ARHGAP10: variants seen among roughly 807,000 people sequenced by gnomAD.
ARHGAP10 encodes rho GTPase-activating protein 10.
A neutral mutation model predicts 108.6 loss-of-function variants in ARHGAP10; 87 were observed. That is an observed-to-expected ratio of 0.80 (90% CI 0.67 to 0.96). The LOEUF is 0.96. Among genes scored for constraint, ARHGAP10 ranks in the 40% least tolerant of loss-of-function variants. The probability of loss-of-function intolerance (pLI) is 0.00; values close to 1 mark genes in which losing one functional copy is unlikely to be tolerated. For missense variants in ARHGAP10, 939 were observed against 954.5 expected (o/e 0.98, Z 0.21); for synonymous variants, 347 against 341.1 (o/e 1.02, Z -0.19).
intron 1 of ARHGAP10, among the ~76,000 whole-genome samples, chr4:147,792,757 T>C (rs1464025643): frequency 1.3e-5 from 2 of 152,182 alleles, no homozygotes; most frequent in Non-Finnish European, 2.9e-5. Context: ...ATGGGGGATT[T>C]TTTTCTTTTG....
rs146524025 is a variant in ARHGAP10, at chr4:148,018,744, C to G, written c.1717-4519C>G. Among the ~76,000 whole-genome samples, 15 of 152,256 alleles carry G rather than the reference C, an allele frequency of 9.9e-5. No homozygotes were observed. The East Asian group carries it at 2.9e-3, about 29-fold the overall frequency. ...CAGTACTAGCTGGTAGTATTTTTCCCTAAGAATTAAATGTTGTTTGTTTCA... is the reference window on the plus strand; with the variant it reads ...CAGTACTAGCTGGTAGTATTTTTCCGTAAGAATTAAATGTTGTTTGTTTCA... On this transcript the variant is annotated intron_variant, in intron 18 of 22. Transcript: ENST00000336498.
chr4:147,877,019 A>G (rs1735097364), intron 8 of ARHGAP10, among the ~76,000 whole-genome samples: 2 of 152,204 alleles, frequency 1.3e-5, no homozygotes, highest in African/African-American at 4.8e-5. Flanking sequence ...ACAGGCGTGA[A>G]AGAGCATCAT....
chr4:147,975,764 A>T lies in ARHGAP10; in HGVS notation c.1716+8925A>T, dbSNP rs184465692. ...ATCTCTCAACACTATTACATTGAGG[A>T]TTATGTTTTCAACATATGAACTCTG... is the stretch of plus-strand genomic sequence containing the variant. On this transcript the variant is annotated intron_variant, in intron 18 of 22. Transcript: ENST00000336498. 1.4e-4 allele frequency among the ~76,000 whole-genome samples: 22 copies of T among 152,360 alleles called. No homozygotes were observed. In the East Asian group the frequency reaches 4.2e-3, roughly 29 times the overall value.
intron 3 of ARHGAP10, among the ~76,000 whole-genome samples, chr4:147,827,540 G>A (rs1181219007): frequency 2.6e-5 from 4 of 152,158 alleles, no homozygotes; most frequent in Admixed American, 2.6e-4. Flanking sequence ...ACACAGCAGA[G>A]GGCCTTTGTA....
intron 1 of ARHGAP10, among the ~76,000 whole-genome samples, chr4:147,752,171 C>G (rs1729178223): frequency 6.6e-6 from 1 of 152,202 alleles, no homozygotes; most frequent in Non-Finnish European, 1.5e-5. Flanking sequence ...GCATGAGCCA[C>G]AACGCCTGGC....
At chr4:147,885,757 T>C (rs1305601965) in intron 10 of ARHGAP10, among the ~76,000 whole-genome samples, 1 of 152,244 alleles carries the variant, frequency 6.6e-6, no homozygotes, top group East Asian at 1.9e-4. Flanking sequence ...TGTTGCTCCT[T>C]TAAATGTTGC....
At chr4:147,884,316 A>G (rs943913198) in intron 10 of ARHGAP10, among the ~76,000 whole-genome samples, 1 of 152,198 alleles carries the variant, frequency 6.6e-6, no homozygotes, top group African/African-American at 2.4e-5. Flanking sequence ...AGGTGCTTAC[A>G]CATACGAAGG....
At chr4:147,734,340 C>T (rs1329052335) in intron 1 of ARHGAP10, among the ~76,000 whole-genome samples, 1 of 152,138 alleles carries the variant, frequency 6.6e-6, no homozygotes, top group Non-Finnish European at 1.5e-5. Flanking sequence ...CAGCTTTCCT[C>T]CAGACTGTAG....
intron 3 of ARHGAP10, among the ~76,000 whole-genome samples, chr4:147,845,409 C>A (rs1306979499): frequency 2.0e-5 from 3 of 152,122 alleles, no homozygotes; most frequent in African/African-American, 7.2e-5. Flanking sequence ...AGCTGTATCC[C>A]CATCACCTGG....
intron 1 of ARHGAP10, among the ~76,000 whole-genome samples, chr4:147,791,694 C>A (rs952759418): frequency 6.6e-6 from 1 of 152,138 alleles, no homozygotes; most frequent in African/African-American, 2.4e-5. Flanking sequence ...CAGCGATTCT[C>A]CAGCCTCAGC....
intron 18 of ARHGAP10, among the ~76,000 whole-genome samples, chr4:147,974,510 A>C (rs1739522716): frequency 6.6e-6 from 1 of 152,192 alleles, no homozygotes; most frequent in Admixed American, 6.5e-5. Flanking sequence ...TAAGGAATAT[A>C]ATGTTACTCT....
intron 16 of ARHGAP10, among the ~76,000 whole-genome samples, chr4:147,958,682 G>A (rs1738879100): frequency 6.6e-6 from 1 of 152,222 alleles, no homozygotes. Flanking sequence ...AACACTTGAT[G>A]TCTGTTGACT....
chr4:147,796,527 T>A (rs990651233), intron 1 of ARHGAP10, among the ~76,000 whole-genome samples: 2 of 152,052 alleles, frequency 1.3e-5, no homozygotes, highest in Non-Finnish European at 1.5e-5. Flanking sequence ...TCTTTTTTTT[T>A]ATTTTTCTTT....
intron 18 of ARHGAP10, among the ~76,000 whole-genome samples, chr4:148,014,979 G>T (rs1198713950): frequency 6.6e-6 from 1 of 152,138 alleles, no homozygotes; most frequent in African/African-American, 2.4e-5. Context: ...AAAAGCTTAT[G>T]CTGAGTCAGG....
chr4:147,871,194 G>A (rs914919492), intron 7 of ARHGAP10, among the ~76,000 whole-genome samples: 1 of 152,212 alleles, frequency 6.6e-6, no homozygotes, highest in Admixed American at 6.5e-5. Context: ...TCCTGATCTC[G>A]TGATCCGCCC....
intron 13 of ARHGAP10, among the ~76,000 whole-genome samples, chr4:147,930,901 A>G (rs1327970304): frequency 1.3e-5 from 2 of 152,170 alleles, no homozygotes; most frequent in Non-Finnish European, 2.9e-5. Flanking sequence ...TAACTATCCC[A>G]GAACATCTTA....
intron 13 of ARHGAP10, 147 bp downstream of exon 13, chr4:147,913,286 C>T: frequency 1.4e-6 from 1 of 707,692 alleles, no homozygotes; most frequent in Non-Finnish European, 2.4e-6. Context: ...ATCAGTTATT[C>T]ATTTACTATG....
intron 18 of ARHGAP10, among the ~76,000 whole-genome samples, chr4:147,976,554 T>TG (rs1012521017): frequency 3.3e-5 from 5 of 151,894 alleles, no homozygotes; most frequent in African/African-American, 1.2e-4. Flanking sequence ...TTTTTTTTTT[T>TG]TTCTTCTTCT....
At chr4:147,999,356 T>A (rs905163078) in intron 18 of ARHGAP10, among the ~76,000 whole-genome samples, 1 of 152,170 alleles carries the variant, frequency 6.6e-6, no homozygotes, top group Non-Finnish European at 1.5e-5. Context: ...GTGAGCTCTG[T>A]TTTCACTCTA....
Sources: allele counts gnomAD v4.1 joint callset (sites outside exome capture counted in the v4.1 genomes callset), GRCh38; gene constraint gnomAD v4.1.1; transcripts MANE v1.5; gene names NCBI Gene and HGNC (gene_info 2026-07-23, HGNC 2026-07-21).